DPP6: variants seen among roughly 807,000 people sequenced by gnomAD.
The protein encoded by DPP6 is dipeptidyl peptidase like 6, also known as A-type potassium channel modulatory protein DPP6.
Under a neutral mutation model 122.6 loss-of-function variants are expected in DPP6, and 69 were observed. That is an observed-to-expected ratio of 0.56 (90% CI 0.46 to 0.69). DPP6 has a LOEUF of 0.69. DPP6 is among the 30% of genes least tolerant of loss of function. The pLI is 0.00. For synonymous variants in DPP6, 418 were observed against 433.1 expected (o/e 0.97, Z 0.43); for missense variants, 928 against 1,116.9 (o/e 0.83, Z 2.41).
intron 1 of DPP6, among the ~76,000 whole-genome samples, chr7:154,346,637 CT>C (rs1423718042): frequency 4.6e-5 from 7 of 152,258 alleles, no homozygotes; most frequent in African/African-American, 9.6e-5. Flanking sequence ...GGGACCCCCC[CT>C]GTGTCTTGAG....
chr7:153,760,918 T>C, the DPP6 span, among the ~76,000 whole-genome samples: 3 of 152,150 alleles, frequency 2.0e-5, no homozygotes, highest in Non-Finnish European at 4.4e-5. Flanking sequence ...TCTTTCCGTG[T>C]TGCTTGCTCC....
chr7:154,383,951 A>G (rs1472809905), intron 1 of DPP6, among the ~76,000 whole-genome samples: 2 of 151,284 alleles, frequency 1.3e-5, no homozygotes, highest in African/African-American at 2.4e-5. Context: ...TCTTCGATTC[A>G]TGAAAGGATT....
chr7:154,560,690 C>A (rs1300698225), intron 4 of DPP6, among the ~76,000 whole-genome samples: 1 of 152,072 alleles, frequency 6.6e-6, no homozygotes, highest in Admixed American at 6.6e-5. Flanking sequence ...CGAGACCAAC[C>A]TGGCCAACAT....
rs139386170 is a variant in DPP6, at chr7:154,800,103, G to A, written c.1300-1252G>A. Among the ~76,000 whole-genome samples the A allele has an allele frequency of 3.0e-3, 463 of 152,310 alleles. 2 individuals are homozygous for A. Among genetic ancestry groups the A allele is most frequent in the Middle Eastern group, 0.014 (4 of 294 alleles). ...TATAGCGCTACCCGCCGCACAGTTG[G>A]CAAATAGAAGTGCATTTTAAAAGCC... On this transcript the variant is annotated intron_variant, in intron 12 of 25. Coordinates refer to ENST00000377770, the MANE Select transcript of DPP6 (RefSeq NM_130797.4).
At chr7:154,759,546 C>A (rs759461367) in intron 8 of DPP6, among the ~76,000 whole-genome samples, 10 of 152,234 alleles carry the variant, frequency 6.6e-5, no homozygotes, top group Admixed American at 6.5e-4. Flanking sequence ...TCTCCCTGAG[C>A]CTTATGCAAA....
At chr7:154,089,937 G>T (rs1220114804) in intron 1 of DPP6, among the ~76,000 whole-genome samples, 2 of 152,210 alleles carry the variant, frequency 1.3e-5, no homozygotes, top group African/African-American at 4.8e-5. Context: ...TCCAATGCTG[G>T]CATAGGGTTC....
At chr7:154,080,467 A>C (rs535354472) in intron 1 of DPP6, among the ~76,000 whole-genome samples, 1 of 152,346 alleles carries the variant, frequency 6.6e-6, no homozygotes, top group South Asian at 2.1e-4. Flanking sequence ...CCCTTAGACC[A>C]AAGCGACCTT....
At chr7:154,234,446 C>T (rs2150858166) in intron 1 of DPP6, among the ~76,000 whole-genome samples, 1 of 152,232 alleles carries the variant, frequency 6.6e-6, no homozygotes, top group Non-Finnish European at 1.5e-5. Flanking sequence ...CAGAAATAGC[C>T]AGCACCAACA....
At chr7:154,528,298 A>G (rs7784230) in intron 3 of DPP6, among the ~76,000 whole-genome samples, 57,734 of 152,100 alleles carry the variant, frequency 0.38, 11,248 homozygotes, top group African/African-American at 0.42. Flanking sequence ...TGCACTCTAC[A>G]CTCCCCTATG....
At chr7:154,002,876 G>A (rs762700536) in intron 1 of DPP6, among the ~76,000 whole-genome samples, 8 of 152,246 alleles carry the variant, frequency 5.3e-5, no homozygotes, top group Middle Eastern at 3.4e-3. Flanking sequence ...TGAGAAATAC[G>A]GATGACAGGA....
intron 10 of DPP6, among the ~76,000 whole-genome samples, chr7:154,776,226 T>TAAAC: frequency 8.9e-6 from 1 of 112,546 alleles, no homozygotes; most frequent in Non-Finnish European, 1.9e-5. Context: ...GATAGATAGA[T>TAAAC]AGATAGATAA....
chr7:154,580,664 T>G (rs1171501565), intron 5 of DPP6, among the ~76,000 whole-genome samples: 1 of 151,918 alleles, frequency 6.6e-6, no homozygotes, highest in African/African-American at 2.4e-5. Flanking sequence ...GCTGTAGTTG[T>G]CCAAAGACGT....
At chr7:154,204,118 G>A (rs12532176) in intron 1 of DPP6, among the ~76,000 whole-genome samples, 67,016 of 152,012 alleles carry the variant, frequency 0.44, 17,699 homozygotes, top group East Asian at 0.63. Flanking sequence ...CTGCAGGGCA[G>A]TGCCACCTGC....
chr7:154,241,219 G>GTGTGTGTGTGTGTA lies in DPP6; in HGVS notation c.243+188157_243+188158insGTGTGTGTGTGTAT, dbSNP rs1444102599. Among the ~76,000 whole-genome samples, 21 of 142,864 alleles carry GTGTGTGTGTGTGTA rather than the reference G, an allele frequency of 1.5e-4. No individual in the cohort carries two copies. Among genetic ancestry groups the GTGTGTGTGTGTGTA allele is most frequent in the Admixed American group, 8.9e-4 (13 of 14,634 alleles). The allele number at this position is 142,864 out of a possible 152,430, so 93.7% of individuals were successfully genotyped here. On this transcript the variant is annotated intron_variant, in intron 1 of 25. Coordinates refer to ENST00000377770, the MANE Select transcript of DPP6 (RefSeq NM_130797.4). The surrounding 1 kb of genome is among the most constrained non-coding windows in gnomAD (Gnocchi z 9.0). ...TGTGTGTGTGTGTGTGTGTGTGTGT[G>GTGTGTGTGTGTGTA]TATATATATATAGAGAGAGAGAGAG...
chr7:154,473,474 C>T (rs1822466845), intron 2 of DPP6, among the ~76,000 whole-genome samples: 1 of 152,124 alleles, frequency 6.6e-6, no homozygotes, highest in Non-Finnish European at 1.5e-5. Context: ...ATTTGATATT[C>T]AAGAGATCAG....
At chr7:154,882,010 A>G (rs1304174018) in intron 21 of DPP6, among the ~76,000 whole-genome samples, 1 of 152,234 alleles carries the variant, frequency 6.6e-6, no homozygotes, top group Non-Finnish European at 1.5e-5. Flanking sequence ...GCAGACTGGC[A>G]GCTGAAAGGC....
At chr7:154,125,771 A>T (rs142706535) in intron 1 of DPP6, among the ~76,000 whole-genome samples, 1 of 152,144 alleles carries the variant, frequency 6.6e-6, no homozygotes, top group Non-Finnish European at 1.5e-5. Flanking sequence ...CAGAGACTCT[A>T]TTGTGTTCAG....
chr7:154,697,337 C>T (rs1209287350), intron 7 of DPP6, among the ~76,000 whole-genome samples: 4 of 152,310 alleles, frequency 2.6e-5, no homozygotes, highest in African/African-American at 9.6e-5. Flanking sequence ...TGCTCCTGTT[C>T]TCCTCCTCCC....
At chr7:154,554,391 T>G (rs1385296387) in intron 4 of DPP6, among the ~76,000 whole-genome samples, 1 of 152,160 alleles carries the variant, frequency 6.6e-6, no homozygotes, top group Non-Finnish European at 1.5e-5. Context: ...GGAGGTTGTA[T>G]TCAAAAAAGC....
Sources: gnomAD v4.1 joint callset for allele counts (sites outside exome capture counted in the v4.1 genomes callset) on GRCh38, gnomAD v4.1.1 for gene constraint, Gnocchi (gnomAD v3.1) non-coding constraint, MANE v1.5 for transcripts, NCBI Gene and HGNC (gene_info 2026-07-23, HGNC 2026-07-21) for gene names.